SUSD1: variants seen among roughly 807,000 people sequenced by gnomAD.
SUSD1 encodes sushi domain-containing protein 1.
SUSD1 carries 65 observed loss-of-function variants against 86.9 expected under a neutral mutation model. That is an observed-to-expected ratio of 0.75 (90% confidence interval 0.61 to 0.92). The LOEUF (loss-of-function observed/expected upper bound fraction) is 0.92, where lower values mean the gene tolerates loss of function less well. Among genes scored for constraint, SUSD1 ranks in the 40% least tolerant of loss-of-function variants. The probability of loss-of-function intolerance (pLI) is 0.00; values close to 1 mark genes in which losing one functional copy is unlikely to be tolerated. For synonymous variants in SUSD1, 346 were observed against 350.0 expected (o/e 0.99, Z 0.13); for missense variants, 850 against 929.7 (o/e 0.91, Z 1.11).
chr9:112,053,931 T>C (rs562288337), intron 14 of SUSD1, among the ~76,000 whole-genome samples: 5 of 152,182 alleles, frequency 3.3e-5, no homozygotes, highest in Non-Finnish European at 7.3e-5. Flanking sequence ...GAGGAAAGAA[T>C]GATTTTAAAC....
chr9:112,162,492 T>C (rs1833613394), intron 1 of SUSD1, among the ~76,000 whole-genome samples: 1 of 152,184 alleles, frequency 6.6e-6, no homozygotes, highest in African/African-American at 2.4e-5. Context: ...ACTTCCCCAG[T>C]GAACAGACAA....
At chr9:112,097,847 G>A (rs1346461104) in intron 10 of SUSD1, among the ~76,000 whole-genome samples, 2 of 152,048 alleles carry the variant, frequency 1.3e-5, no homozygotes, top group Non-Finnish European at 2.9e-5. Flanking sequence ...CTGGTTGCCC[G>A]TAAATTTGTC....
intron 12 of SUSD1, among the ~76,000 whole-genome samples, chr9:112,064,557 G>A (rs776623189): frequency 7.9e-5 from 12 of 152,270 alleles, no homozygotes; most frequent in East Asian, 1.9e-4. Flanking sequence ...AAGTGTAGGC[G>A]TGGGAGGAAG....
chr9:112,156,982 A>C (rs1443705731), intron 2 of SUSD1, among the ~76,000 whole-genome samples: 2 of 152,182 alleles, frequency 1.3e-5, no homozygotes, highest in Admixed American at 1.3e-4. Context: ...AGATGCTTCT[A>C]ACCTAAAGGG....
intron 7 of SUSD1, 29 bp downstream of exon 7, chr9:112,112,742 A>G (rs975707113): frequency 6.7e-7 from 1 of 1,492,004 alleles, no homozygotes. Context: ...TGTCTGTCCT[A>G]GCAGGAAAAA....
intron 14 of SUSD1, among the ~76,000 whole-genome samples, chr9:112,054,548 C>T (rs773586717): frequency 3.3e-5 from 5 of 151,678 alleles, no homozygotes; most frequent in Non-Finnish European, 7.4e-5. Flanking sequence ...GATTGCACCA[C>T]TGCACTCCAG....
intron 1 of SUSD1, among the ~76,000 whole-genome samples, chr9:112,167,079 T>C (rs1400915130): frequency 1.3e-5 from 2 of 151,298 alleles, no homozygotes; most frequent in African/African-American, 4.9e-5. Context: ...TCCTTAGTTA[T>C]GTGAGTTTAG....
chr9:112,118,828 A>G (rs116307030), intron 6 of SUSD1, among the ~76,000 whole-genome samples: 5,506 of 152,306 alleles, frequency 0.036, 356 homozygotes, highest in African/African-American at 0.13. Context: ...GTTTTTGTGT[A>G]TATCAGAAAA....
At chr9:112,068,203 C>T (rs185362742) in intron 12 of SUSD1, among the ~76,000 whole-genome samples, 21 of 152,190 alleles carry the variant, frequency 1.4e-4, no homozygotes, top group Admixed American at 1.3e-3. Flanking sequence ...TGAGGAGGAA[C>T]ATCTAACTGA....
intron 3 of SUSD1, among the ~76,000 whole-genome samples, chr9:112,144,233 C>T (rs892438706): frequency 2.7e-5 from 4 of 150,850 alleles, no homozygotes; most frequent in South Asian, 2.1e-4. Flanking sequence ...AGCAAGACCC[C>T]GTCTCAAAGA....
Position 112,087,507 on chromosome 9 carries a change from A to C in SUSD1, c.1475-7342T>G, listed in dbSNP as rs539603745. Among the ~76,000 whole-genome samples the C allele has an allele frequency of 5.6e-4, 86 of 152,234 alleles. 1 individual carries two copies. The highest frequency in any genetic ancestry group is 1.8e-3 in the African/African-American group (75 of 41,560). Reference sequence around the variant, plus strand: ...AGGAAATTTAAAACTTAAAACATAAATGGACACAAAAAATAGGGAGGAAAT... The same window carrying C: ...AGGAAATTTAAAACTTAAAACATAACTGGACACAAAAAATAGGGAGGAAAT... On this transcript the variant is annotated intron_variant, in intron 10 of 16. Transcript: ENST00000374270.
At chr9:112,147,422 C>T (rs1354657979) in intron 3 of SUSD1, among the ~76,000 whole-genome samples, 1 of 152,114 alleles carries the variant, frequency 6.6e-6, no homozygotes, top group Non-Finnish European at 1.5e-5. Context: ...AGGAGAAGCA[C>T]AGGGGAATCG....
chr9:112,100,857 G>GACACACACACACACACACAC (rs5899985), intron 9 of SUSD1, among the ~76,000 whole-genome samples: 105 of 140,494 alleles, frequency 7.5e-4, no homozygotes, highest in Middle Eastern at 3.6e-3. Flanking sequence ...ATTGTACCTG[G>GACACACACACACACACACAC]ACACACACAC....
At chr9:112,080,480 G>A (rs187670031) in intron 10 of SUSD1, among the ~76,000 whole-genome samples, 6 of 152,260 alleles carry the variant, frequency 3.9e-5, no homozygotes, top group Admixed American at 1.3e-4. Context: ...TTGAGGCCAC[G>A]AGTTCGAGAC....
chr9:112,050,273 G>A (rs969383733), intron 15 of SUSD1, among the ~76,000 whole-genome samples: 3 of 152,170 alleles, frequency 2.0e-5, no homozygotes, highest in African/African-American at 7.2e-5. Context: ...TCTTTGTCAA[G>A]AGGGGCCCTC....
chr9:112,161,529 G>A (rs1476462459), intron 1 of SUSD1, among the ~76,000 whole-genome samples: 1 of 151,336 alleles, frequency 6.6e-6, no homozygotes, highest in Non-Finnish European at 1.5e-5. Flanking sequence ...TTTGTAGATA[G>A]AATGCAATCT....
chr9:112,122,736 T>C (rs1393724981), intron 6 of SUSD1, among the ~76,000 whole-genome samples: 1 of 152,162 alleles, frequency 6.6e-6, no homozygotes, highest in Non-Finnish European at 1.5e-5. Flanking sequence ...CACCCAAGTG[T>C]CCATCAACAA....
At chr9:112,073,701 A>G (rs1387283799) in intron 12 of SUSD1, among the ~76,000 whole-genome samples, 2 of 152,114 alleles carry the variant, frequency 1.3e-5, no homozygotes, top group Admixed American at 1.3e-4. Flanking sequence ...CAGCCTGGAC[A>G]ACATGGCAAA....
intron 1 of SUSD1, among the ~76,000 whole-genome samples, chr9:112,163,175 C>G (rs1833641049): frequency 6.6e-6 from 1 of 152,038 alleles, no homozygotes; most frequent in African/African-American, 2.4e-5. Context: ...GAGACAAGGT[C>G]TCACTCTGTC....
Sources: gnomAD v4.1 joint callset for allele counts (sites outside exome capture counted in the v4.1 genomes callset) on GRCh38, gnomAD v4.1.1 for gene constraint, MANE v1.5 for transcripts, NCBI Gene and HGNC (gene_info 2026-07-23, HGNC 2026-07-21) for gene names.